Variants in LRBA observed in about 807,000 individuals in gnomAD.
The protein encoded by LRBA is LPS responsive beige-like anchor protein.
A neutral mutation model predicts 330.0 loss-of-function variants in LRBA; 176 were observed. The observed-to-expected ratio is 0.53, with a 90% CI of 0.47 to 0.60. The LOEUF (loss-of-function observed/expected upper bound fraction) is 0.60. Among genes scored for constraint, LRBA ranks in the 20% least tolerant of loss-of-function variants. LRBA has a pLI of 0.00. For synonymous variants in LRBA, 1,230 were observed against 1,193.0 expected, an observed-to-expected ratio of 1.03 and a Z score of -0.64; for missense variants, 3,259 against 3,444.8, an observed-to-expected ratio of 0.95 and a Z score of 1.35.
intron 40 of LRBA, among the ~76,000 whole-genome samples, chr4:150,525,276 G>GCTT (rs1763335579): frequency 6.7e-6 from 1 of 149,226 alleles, no homozygotes; most frequent in Non-Finnish European, 1.5e-5. Flanking sequence ...ACATGCTCTG[G>GCTT]CTTTTTTTTT....
At chr4:150,413,138 G>T (rs190557669) in intron 47 of LRBA, among the ~76,000 whole-genome samples, 2 of 151,868 alleles carry the variant, frequency 1.3e-5, no homozygotes, top group East Asian at 3.9e-4. Flanking sequence ...TCATCATTAG[G>T]ATAATGCAAA....
chr4:150,553,808 T>C (rs1436841373), intron 40 of LRBA, among the ~76,000 whole-genome samples: 1 of 152,142 alleles, frequency 6.6e-6, no homozygotes, highest in African/African-American at 2.4e-5. Flanking sequence ...GATTATGACA[T>C]AGAATGGCAA....
intron 52 of LRBA, among the ~76,000 whole-genome samples, chr4:150,303,795 G>A (rs896691697): frequency 6.6e-6 from 1 of 151,868 alleles, no homozygotes; most frequent in East Asian, 1.9e-4. Flanking sequence ...GGATGGTCTC[G>A]ATCTCCTGAC....
intron 36 of LRBA, among the ~76,000 whole-genome samples, chr4:150,733,496 C>T (rs992253159): frequency 2.0e-5 from 3 of 151,768 alleles, no homozygotes; most frequent in Non-Finnish European, 4.4e-5. Context: ...GGAGTTCCTG[C>T]TTTATTCTTA....
At chr4:150,886,408 C>T (rs1728943087) in intron 17 of LRBA, among the ~76,000 whole-genome samples, 1 of 152,116 alleles carries the variant, frequency 6.6e-6, no homozygotes, top group African/African-American at 2.4e-5. Flanking sequence ...TGTGTAAAAA[C>T]CTGTGATAAC....
chr4:150,927,921 AATGATCT>A (rs1341640260), intron 4 of LRBA, among the ~76,000 whole-genome samples: 1 of 152,236 alleles, frequency 6.6e-6, no homozygotes, highest in Non-Finnish European at 1.5e-5. Flanking sequence ...TGCTGTGGGC[AATGATCT>A]CTAAAGGGCA....
chr4:150,894,064 G>A (rs891925403), intron 16 of LRBA, among the ~76,000 whole-genome samples: 20 of 152,282 alleles, frequency 1.3e-4, no homozygotes, highest in African/African-American at 4.3e-4. Flanking sequence ...TTTAGAAACA[G>A]TATATCCAAC....
chr4:150,307,231 A>C (rs1260021945), intron 52 of LRBA, among the ~76,000 whole-genome samples: 1 of 152,016 alleles, frequency 6.6e-6, no homozygotes, highest in Non-Finnish European at 1.5e-5. Context: ...GCACAACTAA[A>C]GATGAGGAAC....
At position 150,599,111 on chromosome 4, in the gene LRBA, C is replaced by A; in HGVS notation, c.5942G>T (p.Arg1981Leu). The A allele has an allele frequency of 6.2e-7, 1 of 1,613,998 alleles. No homozygotes were observed. Among genetic ancestry groups the A allele is most frequent in the African/African-American group, 1.3e-5 (1 of 75,016 alleles). The stretch of plus-strand genomic sequence containing the variant: ...CAAGTCATCTTCCCAGTAGTCAAGG[C>A]GCCAGAACTCAAGAGGACGACTACA... ...SAVSRPLEFW[R>L]LDYWEDDLRR... Residue 1981 changes from arginine (R) to leucine (L), a missense_variant, in exon 38 of 57, where the codon CGC (arginine) becomes CTC (leucine). Physicochemically the swap from Arg to Leu is moderately radical, Grantham distance 102 (BLOSUM62 -2). Coordinates refer to ENST00000651943, the MANE Select transcript of LRBA (RefSeq NM_001364905.1).
chr4:151,008,909 G>A (rs1274006243), intron 2 of LRBA, among the ~76,000 whole-genome samples: 4 of 134,850 alleles, frequency 3.0e-5, no homozygotes, highest in Admixed American at 1.7e-4. Context: ...GGCGGAGGTT[G>A]CAGTGAGCCA....
intron 36 of LRBA, among the ~76,000 whole-genome samples, chr4:150,702,320 ACT>A (rs1785197016): frequency 6.6e-6 from 1 of 152,182 alleles, no homozygotes; most frequent in Non-Finnish European, 1.5e-5. Flanking sequence ...GACATTTTGC[ACT>A]CTACCAATTT....
chr4:150,289,289 C>T (rs1748556403), intron 53 of LRBA, among the ~76,000 whole-genome samples: 1 of 152,144 alleles, frequency 6.6e-6, no homozygotes, highest in Admixed American at 6.5e-5. Context: ...TCAGAACACA[C>T]ACACATGCAG....
chr4:150,661,340 A>G (rs1157054328), intron 37 of LRBA, among the ~76,000 whole-genome samples: 26 of 151,582 alleles, frequency 1.7e-4, no homozygotes, highest in Admixed American at 3.9e-4. Context: ...AGGCACCTAT[A>G]ATCCCAGCTA....
At chr4:150,287,580 C>T (rs1438617610) in intron 53 of LRBA, among the ~76,000 whole-genome samples, 2 of 152,190 alleles carry the variant, frequency 1.3e-5, no homozygotes, top group African/African-American at 4.8e-5. Flanking sequence ...TAATGCACGG[C>T]CATGTCCCTA....
At chr4:150,899,120 G>A (rs749152706) in intron 14 of LRBA, among the ~76,000 whole-genome samples, 18 of 152,104 alleles carry the variant, frequency 1.2e-4, no homozygotes, top group African/African-American at 1.7e-4. Flanking sequence ...TTTCAACTTA[G>A]GGGATGCCTC....
intron 28 of LRBA, among the ~76,000 whole-genome samples, chr4:150,841,626 CTTTTT>C (rs368344422): frequency 2.0e-5 from 3 of 150,688 alleles, no homozygotes; most frequent in African/African-American, 7.3e-5. Flanking sequence ...GGTCATTTCC[CTTTTT>C]TTTTCTTTTT....
At chr4:150,831,605 A>G (rs1403584690) in intron 29 of LRBA, among the ~76,000 whole-genome samples, 1 of 152,212 alleles carries the variant, frequency 6.6e-6, no homozygotes, top group Non-Finnish European at 1.5e-5. Context: ...ACTTACATTT[A>G]ATTAGTTCAT....
At chr4:150,315,242 T>C (rs1271092545) in intron 51 of LRBA, 7 of 387,110 alleles carry the variant, frequency 1.8e-5, no homozygotes, top group Non-Finnish European at 3.3e-5. Context: ...CTCCTGCTCA[T>C]CAACAAGTCT....
At chr4:150,328,060 C>T (rs1340176984) in intron 48 of LRBA, among the ~76,000 whole-genome samples, 9 of 152,026 alleles carry the variant, frequency 5.9e-5, no homozygotes, top group Admixed American at 2.0e-4. Context: ...ATATGTGAAC[C>T]AGCTAAGGAA....
Sources: allele counts gnomAD v4.1 joint callset (sites outside exome capture counted in the v4.1 genomes callset), GRCh38; gene constraint gnomAD v4.1.1; transcripts MANE v1.5; gene names NCBI Gene and HGNC (gene_info 2026-07-23, HGNC 2026-07-21).